NFIB: variants seen among roughly 807,000 people sequenced by gnomAD.
NFIB encodes nuclear factor I B, also known as nuclear factor 1 B-type.
In NFIB, 11 loss-of-function variants were observed where a neutral mutation model predicts 61.5. That is an observed-to-expected ratio of 0.18 (90% CI 0.11 to 0.30). The LOEUF (loss-of-function observed/expected upper bound fraction) is 0.30. NFIB is among the 10% of genes least tolerant of loss of function. The probability of loss-of-function intolerance (pLI) is 1.00; values close to 1 mark genes in which losing one functional copy is unlikely to be tolerated. For synonymous variants in NFIB, 260 were observed against 216.5 expected (o/e 1.20, Z -1.76); for missense variants, 471 against 608.9 (o/e 0.77, Z 2.38).
At chr9:14,091,781 A>T (rs1052782176) in intron 10 of NFIB, among the ~76,000 whole-genome samples, 1 of 152,038 alleles carries the variant, frequency 6.6e-6, no homozygotes, top group African/African-American at 2.4e-5. Flanking sequence ...AAAAAAGAAA[A>T]GATATAATTA....
chr9:14,352,695 T>G (rs2061127955), intron 1 of NFIB, among the ~76,000 whole-genome samples: 1 of 152,242 alleles, frequency 6.6e-6, no homozygotes, highest in South Asian at 2.1e-4. Flanking sequence ...AGCTTTAGAT[T>G]TCACTGCTTA....
the NFIB span, among the ~76,000 whole-genome samples, chr9:14,458,266 C>T: frequency 1.3e-5 from 2 of 152,088 alleles, no homozygotes; most frequent in Non-Finnish European, 2.9e-5. Context: ...TGACAAAAAC[C>T]ACATGATTAT....
intron 2 of NFIB, among the ~76,000 whole-genome samples, chr9:14,233,293 A>T (rs2053396255): frequency 6.6e-6 from 1 of 152,188 alleles, no homozygotes; most frequent in South Asian, 2.1e-4. Flanking sequence ...TGGAAGCTGA[A>T]ATTTTCAGAT....
At chr9:14,108,181 G>A (rs1317886221) in intron 10 of NFIB, among the ~76,000 whole-genome samples, 2 of 152,046 alleles carry the variant, frequency 1.3e-5, no homozygotes, top group South Asian at 2.1e-4. Flanking sequence ...ATGTGATAGC[G>A]TTTTACGTCA....
intron 1 of NFIB, among the ~76,000 whole-genome samples, chr9:14,330,177 A>C (rs1307831350): frequency 6.6e-6 from 1 of 152,160 alleles, no homozygotes; most frequent in Non-Finnish European, 1.5e-5. Flanking sequence ...CCAGTAACAG[A>C]ATGCAAGTGA....
chr9:14,318,323 A>G (rs1001376767), upstream of NFIB, among the ~76,000 whole-genome samples: 3 of 152,190 alleles, frequency 2.0e-5, no homozygotes, highest in East Asian at 1.9e-4. Flanking sequence ...CAACGCTACC[A>G]CATTTGAGCC....
upstream of NFIB, among the ~76,000 whole-genome samples, chr9:14,315,421 T>C (rs2046322577): frequency 6.7e-6 from 1 of 148,292 alleles, no homozygotes. Context: ...CTCCTCCTCC[T>C]CCTGCAGCCC....
At chr9:14,387,825 A>T (rs1030309013) in intron 1 of NFIB, among the ~76,000 whole-genome samples, 15 of 152,322 alleles carry the variant, frequency 9.8e-5, no homozygotes, top group African/African-American at 3.6e-4. Context: ...AGTATTTTCC[A>T]ATTTCCCCAT....
intron 2 of NFIB, among the ~76,000 whole-genome samples, chr9:14,301,440 G>C (rs1008692406): frequency 6.6e-6 from 1 of 152,142 alleles, no homozygotes; most frequent in Non-Finnish European, 1.5e-5. Flanking sequence ...TATACAGGGT[G>C]GGGGGAAGGA....
the NFIB span, among the ~76,000 whole-genome samples, chr9:14,458,751 T>G: frequency 2.6e-5 from 4 of 152,072 alleles, no homozygotes; most frequent in African/African-American, 7.2e-5. Context: ...AAATCATGAG[T>G]AAACTCCCAT....
At chr9:14,469,919 C>A in the NFIB span, among the ~76,000 whole-genome samples, 1 of 152,148 alleles carries the variant, frequency 6.6e-6, no homozygotes, top group Admixed American at 6.5e-5. Context: ...GTCCAATTTT[C>A]CCCAAATATT....
intron 2 of NFIB, among the ~76,000 whole-genome samples, chr9:14,270,579 C>CAAAAA (rs147823074): frequency 3.7e-5 from 2 of 54,376 alleles, no homozygotes; most frequent in Non-Finnish European, 6.5e-5. Flanking sequence ...CCTTAGATCA[C>CAAAAA]AAAAAAAAAA....
At chr9:14,350,473 C>T (rs1364625101) in intron 1 of NFIB, among the ~76,000 whole-genome samples, 1 of 147,762 alleles carries the variant, frequency 6.8e-6, no homozygotes, top group Non-Finnish European at 1.5e-5. Flanking sequence ...TCGCCACCCC[C>T]GCTGCCCCCA....
chr9:14,149,642 C>T (rs1428741914), intron 5 of NFIB, among the ~76,000 whole-genome samples: 5 of 152,034 alleles, frequency 3.3e-5, no homozygotes, highest in African/African-American at 4.8e-5. Flanking sequence ...GGTAACAGAG[C>T]GTTAATTAAA....
At chr9:14,488,166 C>T in the NFIB span, among the ~76,000 whole-genome samples, 1 of 151,936 alleles carries the variant, frequency 6.6e-6, no homozygotes, top group African/African-American at 2.4e-5. Flanking sequence ...GAGTTTGAGA[C>T]CAAATTGGGC....
At chr9:14,374,847 T>G (rs1420812640) in intron 1 of NFIB, among the ~76,000 whole-genome samples, 1 of 152,034 alleles carries the variant, frequency 6.6e-6, no homozygotes, top group African/African-American at 2.4e-5. Context: ...GAGGCAGAGG[T>G]TGCAGTGAGA....
chr9:14,106,241 T>G (rs866360040), intron 10 of NFIB, among the ~76,000 whole-genome samples: 2 of 152,152 alleles, frequency 1.3e-5, no homozygotes, highest in Non-Finnish European at 2.9e-5. Context: ...TGTAACAATA[T>G]AGACTCTCAA....
chr9:14,444,464 A>G, the NFIB span, among the ~76,000 whole-genome samples: 4 of 152,242 alleles, frequency 2.6e-5, no homozygotes, highest in African/African-American at 9.6e-5. Flanking sequence ...TTTGAAAGTC[A>G]TAAGCATAAT....
chr9:14,175,354 T>C (rs1392197057), intron 3 of NFIB, among the ~76,000 whole-genome samples: 1 of 151,750 alleles, frequency 6.6e-6, no homozygotes, highest in African/African-American at 2.4e-5. Context: ...TTTTGTATTT[T>C]TAGTAGAGAC....
Sources: allele counts gnomAD v4.1 joint callset (sites outside exome capture counted in the v4.1 genomes callset), GRCh38; gene constraint gnomAD v4.1.1; transcripts MANE v1.5; gene names NCBI Gene and HGNC (gene_info 2026-07-23, HGNC 2026-07-21).